The following USP25 variants were observed in gnomAD, a reference collection of about 807,000 sequenced individuals.
USP25 encodes ubiquitin carboxyl-terminal hydrolase 25.
USP25 carries 85 observed loss-of-function variants against 158.5 expected under a neutral mutation model. That is an observed-to-expected ratio of 0.54 (90% confidence interval 0.45 to 0.64). The LOEUF (loss-of-function observed/expected upper bound fraction) is 0.64. Among genes scored for constraint, USP25 ranks in the 30% least tolerant of loss-of-function variants. The pLI, the probability that USP25 is intolerant of heterozygous loss-of-function variation, is 0.00. For missense variants in USP25, 1,242 were observed against 1,327.3 expected, an observed-to-expected ratio of 0.94 and a Z score of 1.00; for synonymous variants, 464 against 460.4, an observed-to-expected ratio of 1.01 and a Z score of -0.10.
intron 1 of USP25, among the ~76,000 whole-genome samples, chr21:15,748,263 C>T (rs2032716402): frequency 6.6e-6 from 1 of 152,000 alleles, no homozygotes; most frequent in African/African-American, 2.4e-5. Context: ...AAACAGGTGT[C>T]AGGAACTTTC....
At chr21:15,871,384 T>C (rs916388141) in intron 23 of USP25, among the ~76,000 whole-genome samples, 7 of 152,176 alleles carry the variant, frequency 4.6e-5, no homozygotes, top group African/African-American at 1.7e-4. Flanking sequence ...TTGAGAAAAA[T>C]AATGTGATCG....
At chr21:15,738,773 A>G (rs1451947192) in intron 1 of USP25, among the ~76,000 whole-genome samples, 1 of 152,210 alleles carries the variant, frequency 6.6e-6, no homozygotes, top group African/African-American at 2.4e-5. Context: ...ATCCACAAGC[A>G]GACAGCCCAG....
At position 15,816,276 on chromosome 21, in the gene USP25, G is replaced by C. The variant is rs1225309004; in HGVS notation, c.932-2422G>C. ...AGAAGTGCCTTTTGCCTCCCGCCAC[G>C]ATTCTGAGGGCTTCCCAGCCATGTG... On this transcript the variant is annotated intron_variant, in intron 9 of 25. Transcript: ENST00000400183. This position sits in a 1 kb window ranked among gnomAD's most constrained non-coding sequence, Gnocchi z 4.0. Among the ~76,000 whole-genome samples, 2 of 152,082 alleles carry C rather than the reference G, an allele frequency of 1.3e-5. No individual in the cohort carries two copies. The highest frequency in any genetic ancestry group is 2.4e-5 in the African/African-American group (1 of 41,398).
At chr21:15,782,645 A>T (rs1484188238) in intron 4 of USP25, among the ~76,000 whole-genome samples, 1 of 152,196 alleles carries the variant, frequency 6.6e-6, no homozygotes, top group Non-Finnish European at 1.5e-5. Flanking sequence ...GCAGGTGAGG[A>T]TTCCAGCTGA....
chr21:15,833,329 T>A lies in USP25; in HGVS notation c.1994-19T>A, dbSNP rs1262043844. Reference sequence around the variant, plus strand: ...TTTAATTCTTAATTTTATACTAGTTTTTGAAATATGATTTGCAGAGGAGTT... The same window carrying A: ...TTTAATTCTTAATTTTATACTAGTTATTGAAATATGATTTGCAGAGGAGTT... On this transcript the variant is annotated intron_variant, in intron 16 of 25. Transcript: ENST00000400183. 1.3e-6 allele frequency: 2 copies of A among 1,598,644 alleles called. No homozygotes were observed. Among genetic ancestry groups the A allele is most frequent in the South Asian group, 2.3e-5 (2 of 87,298 alleles).
At chr21:15,871,736 A>C (rs933080422) in intron 23 of USP25, among the ~76,000 whole-genome samples, 2 of 152,210 alleles carry the variant, frequency 1.3e-5, no homozygotes, top group East Asian at 3.8e-4. Context: ...TCAAATACAT[A>C]CTTATTCAGA....
chr21:15,871,362 A>G (rs2089109326), intron 23 of USP25, among the ~76,000 whole-genome samples: 1 of 152,192 alleles, frequency 6.6e-6, no homozygotes, highest in Admixed American at 6.5e-5. Flanking sequence ...TAGAATTTAT[A>G]TTTGTGCTGA....
chr21:15,872,285 G>T (rs2039928293), intron 23 of USP25, among the ~76,000 whole-genome samples: 1 of 152,004 alleles, frequency 6.6e-6, no homozygotes, highest in African/African-American at 2.4e-5. Flanking sequence ...TAATTGGACT[G>T]CTAAATCTTA....
intron 25 of USP25, 79 bp downstream of exon 25, chr21:15,878,070 C>A: frequency 1.7e-6 from 2 of 1,189,566 alleles, no homozygotes; most frequent in Non-Finnish European, 2.3e-6. Context: ...TTATTCTTGC[C>A]ATTTTTTATA....
At chr21:15,840,529 A>G (rs2146435313) in intron 17 of USP25, among the ~76,000 whole-genome samples, 1 of 152,272 alleles carries the variant, frequency 6.6e-6, no homozygotes, top group South Asian at 2.1e-4. Context: ...CTCCCGTGAC[A>G]ACGAAACCAC....
chr21:15,780,580 C>G (rs1426809040), intron 4 of USP25, among the ~76,000 whole-genome samples: 2 of 152,142 alleles, frequency 1.3e-5, no homozygotes, highest in Non-Finnish European at 2.9e-5. Context: ...GAGCACGCAC[C>G]TTCAACAATT....
intron 5 of USP25, among the ~76,000 whole-genome samples, chr21:15,793,005 A>C (rs908425775): frequency 2.6e-5 from 4 of 151,620 alleles, no homozygotes; most frequent in African/African-American, 7.3e-5. Flanking sequence ...TTAATAGGCT[A>C]TCTCACTTTA....
At chr21:15,846,150 ATATATATATTTT>A (rs2038593369) in intron 18 of USP25, among the ~76,000 whole-genome samples, 2 of 61,142 alleles carry the variant, frequency 3.3e-5, no homozygotes, top group African/African-American at 1.5e-4. Flanking sequence ...ATATATATAT[ATATATATATTTT>A]TTTTTTTTTT....
At chr21:15,792,124 C>A (rs2035621247) in intron 5 of USP25, among the ~76,000 whole-genome samples, 3 of 151,636 alleles carry the variant, frequency 2.0e-5, no homozygotes, top group African/African-American at 7.3e-5. Context: ...TATAGATTTG[C>A]AAATCTGAGT....
Position 15,811,223 on chromosome 21 carries a change from AT to A in USP25, c.931+16del. ...GGAGTACTTGAAGGTAGAGTTATAC[AT>A]TTACTTTTTATTGCAAGTGAAGAGA... On this transcript the variant is annotated intron_variant, in intron 9 of 25. Coordinates refer to ENST00000400183, the MANE Select transcript of USP25 (RefSeq NM_001283041.3). 6.2e-7 allele frequency: 1 copy of A among 1,600,950 alleles called. No individual in the cohort carries two copies. Among genetic ancestry groups the A allele is most frequent in the Non-Finnish European group, 8.5e-7 (1 of 1,174,058 alleles).
chr21:15,797,485 A>G (rs1052116320), intron 5 of USP25, among the ~76,000 whole-genome samples: 19 of 151,298 alleles, frequency 1.3e-4, no homozygotes, highest in African/African-American at 4.6e-4. Context: ...TTAAAGTGCT[A>G]GAAATAAATA....
intron 1 of USP25, among the ~76,000 whole-genome samples, chr21:15,741,841 C>T (rs2032087004): frequency 1.3e-5 from 2 of 152,184 alleles, no homozygotes; most frequent in South Asian, 2.1e-4. Flanking sequence ...TTTAAACTAA[C>T]ACCTGATAAA....
At chr21:15,832,690 A>G (rs1028933797) in intron 16 of USP25, among the ~76,000 whole-genome samples, 3 of 152,092 alleles carry the variant, frequency 2.0e-5, no homozygotes, top group African/African-American at 7.2e-5. Context: ...CAATAGTGGC[A>G]GAAGTAGTAT....
intron 8 of USP25, among the ~76,000 whole-genome samples, chr21:15,810,847 G>T (rs1600988698): frequency 6.6e-6 from 1 of 152,304 alleles, no homozygotes; most frequent in Non-Finnish European, 1.5e-5. Flanking sequence ...CAGGCACTTT[G>T]TGCACAAACT....
Sources: gnomAD v4.1 joint callset for allele counts (sites outside exome capture counted in the v4.1 genomes callset) on GRCh38, gnomAD v4.1.1 for gene constraint, Gnocchi (gnomAD v3.1) non-coding constraint, MANE v1.5 for transcripts, NCBI Gene and HGNC (gene_info 2026-07-23, HGNC 2026-07-21) for gene names.